Variants in CAPN3 observed in about 807,000 individuals in gnomAD.
The protein encoded by CAPN3 is calpain 3, also known as calpain-3.
Under a neutral mutation model 114.0 loss-of-function variants are expected in CAPN3, and 88 were observed. That is an observed-to-expected ratio of 0.77 (90% CI 0.65 to 0.92). The LOEUF (loss-of-function observed/expected upper bound fraction) is 0.92, where lower values mean the gene tolerates loss of function less well. Ranked by LOEUF, CAPN3 falls within the 40% of genes least tolerant of loss-of-function variation. CAPN3 has a pLI of 0.00. For synonymous variants in CAPN3, 386 were observed against 382.9 expected, an observed-to-expected ratio of 1.01 and a Z score of -0.09; for missense variants, 1,028 against 1,069.0, an observed-to-expected ratio of 0.96 and a Z score of 0.53.
At chr15:42,397,788 C>T (rs28745872) in intron 9 of CAPN3, among the ~76,000 whole-genome samples, 3,863 of 152,176 alleles carry the variant, frequency 0.025, 155 homozygotes, top group African/African-American at 0.089. Flanking sequence ...TGGGCTCAAG[C>T]GGTCCTCCCA....
At chr15:42,387,151 A>G (rs974855410) in intron 3 of CAPN3, among the ~76,000 whole-genome samples, 26 of 152,332 alleles carry the variant, frequency 1.7e-4, no homozygotes, top group African/African-American at 6.0e-4. Flanking sequence ...TCAATGAGGG[A>G]GAAAGTGCCA....
chr15:42,387,780 G>T lies in CAPN3; in HGVS notation c.526G>T (p.Val176Leu), dbSNP rs774114705. Reference protein sequence around the residue: ...QFWRYGEWVDVVIDDCLPTYN... With the variant: ...QFWRYGEWVDLVIDDCLPTYN... ...CTGGCGCTATGGAGAGTGGGTGGAC[G>T]TGGTTATAGATGACTGCCTGCCAAC... is the stretch of plus-strand genomic sequence containing the variant. Residue 176 changes from valine to leucine, a missense_variant, in exon 4 of 24, where the codon GTG becomes TTG. Val to Leu is a conservative substitution (Grantham distance 32). Transcript: ENST00000397163. 1.9e-6 allele frequency: 3 copies of T among 1,614,100 alleles called. No individual in the cohort carries two copies. The highest frequency in any genetic ancestry group is 2.7e-5 in the African/African-American group (2 of 74,944).
rs28364542 is a variant in CAPN3, at chr15:42,411,248, C to T, written c.2381-39C>T. ...AAGTTACAGTAGTAGAGGCGGAGTG[C>T]GCCTGTAACTGGCCTCTGGCCTGTG... On this transcript the variant is annotated intron_variant, in intron 22 of 23. Transcript: ENST00000397163. 1.1e-4 allele frequency: 167 copies of T among 1,569,092 alleles called. 1 individual carries two copies. The East Asian group carries it at 1.5e-3, about 14-fold the overall frequency.
At chr15:42,411,596 G>A (rs1254813377) in intron 23 of CAPN3, 151 bp from the exon 24 acceptor site, 1 of 734,438 alleles carries the variant, frequency 1.4e-6, no homozygotes, top group South Asian at 1.5e-5. Context: ...TAGGAGAAAG[G>A]AAACAGTAAG....
rs777636094 is a variant in CAPN3, at chr15:42,409,336, G to A, written c.1948G>A (p.Glu650Lys). Reference protein sequence around the residue: ...QPGSSDQESEEQQQFRNIFKQ... With the variant: ...QPGSSDQESEKQQQFRNIFKQ... ...TGGCAGCTCTGATCAGGAAAGTGAG[G>A]AACAGCAACAATTCCGGAACATTTT... Residue 650 changes from glutamate to lysine, a missense_variant, in exon 17 of 24, where the codon GAA becomes AAA. Coordinates refer to ENST00000397163, the MANE Select transcript of CAPN3 (RefSeq NM_000070.3). 1 of 1,614,168 alleles carries A rather than the reference G, an allele frequency of 6.2e-7. No individual in the cohort carries two copies. Among genetic ancestry groups the A allele is most frequent in the South Asian group, 1.1e-5 (1 of 91,074 alleles).
chr15:42,370,726 G>A (rs936085755), intron 1 of CAPN3, among the ~76,000 whole-genome samples: 1 of 152,112 alleles, frequency 6.6e-6, no homozygotes, highest in South Asian at 2.1e-4. Flanking sequence ...TTTAAGTTTC[G>A]CTTTTCTCTT....
At chr15:42,361,273 C>G (rs1307473119) in intron 1 of CAPN3, among the ~76,000 whole-genome samples, 2 of 152,156 alleles carry the variant, frequency 1.3e-5, no homozygotes, top group Admixed American at 1.3e-4. Context: ...AGAGACCAGC[C>G]TGGGCAACAG....
intron 1 of CAPN3, among the ~76,000 whole-genome samples, chr15:42,370,291 T>A (rs377014009): frequency 1.3e-5 from 2 of 152,250 alleles, no homozygotes; most frequent in Admixed American, 6.5e-5. Context: ...GTGTATCTTC[T>A]CAGCCAGGAG....
chr15:42,402,071 G>T, intron 11 of CAPN3, 53 bp from the exon 12 acceptor site: 2 of 1,612,316 alleles, frequency 1.2e-6, no homozygotes, highest in Non-Finnish European at 1.7e-6. Flanking sequence ...CCTTCCGCAG[G>T]CTCCTCATCC....
At chr15:42,373,758 C>G (rs1002198314) in intron 1 of CAPN3, among the ~76,000 whole-genome samples, 4 of 152,134 alleles carry the variant, frequency 2.6e-5, no homozygotes, top group African/African-American at 4.8e-5. Context: ...AATGACTGGT[C>G]AAGGTCTTTG....
At chr15:42,406,216 C>T (rs981000204) in intron 15 of CAPN3, among the ~76,000 whole-genome samples, 1 of 152,206 alleles carries the variant, frequency 6.6e-6, no homozygotes, top group Non-Finnish European at 1.5e-5. Context: ...TAACTATCCC[C>T]ATTTTCAGAG....
rs200580015 is a variant in CAPN3, at chr15:42,392,691, G to A, written c.998G>A (p.Gly333Asp). The stretch of plus-strand genomic sequence containing the variant: ...AGAATGGCCTGCGGGCTGGTCAGAG[G>A]TCACGCCTACTCTGTCACGGGGCTG... ...ETRMACGLVR[G>D]HAYSVTGLDE... Residue 333 changes from glycine (G) to aspartate (D), a missense_variant, in exon 7 of 24, where the codon GGT becomes GAT. By Grantham distance (94) the Gly-to-Asp change is moderately conservative (BLOSUM62 -1). Coordinates refer to ENST00000397163, the MANE Select transcript of CAPN3 (RefSeq NM_000070.3). 1.7e-5 allele frequency: 27 copies of A among 1,614,054 alleles called. No homozygotes were observed. Among genetic ancestry groups the A allele is most frequent in the Middle Eastern group, 1.7e-4 (1 of 6,060 alleles).
At chr15:42,394,785 G>A (rs1231183787) in intron 8 of CAPN3, among the ~76,000 whole-genome samples, 4 of 152,162 alleles carry the variant, frequency 2.6e-5, no homozygotes, top group Non-Finnish European at 5.9e-5. Flanking sequence ...TCCCTTACCC[G>A]TGCTGTCCCT....
Position 42,411,747 on chromosome 15 carries a change from T to C in CAPN3, c.2440T>C (p.Trp814Arg), listed in dbSNP as rs140611662. ...DGIIKLNVLE[W>R]LQLTMYA is the part of the protein sequence containing the mutation. ...ATTCTGATCTTGGGACTTCTTTCAG[T>C]GGCTGCAGCTCACCATGTATGCCTG... The change falls in exon 24 of 24, where the codon TGG becomes CGG. Residue 814 changes from tryptophan to arginine, a missense_variant and splice_region_variant. Physicochemically the swap from Trp to Arg is moderately radical, Grantham distance 101. Coordinates refer to ENST00000397163, the MANE Select transcript of CAPN3 (RefSeq NM_000070.3). The C allele has an allele frequency of 6.7e-7, 1 of 1,498,640 alleles. No homozygotes were observed. The highest frequency in any genetic ancestry group is 1.4e-5 in the African/African-American group (1 of 70,786). 92.8% of individuals were successfully genotyped at this position (1,498,640 alleles called of 1,614,324 possible).
intron 15 of CAPN3, among the ~76,000 whole-genome samples, chr15:42,407,967 T>C (rs1391665673): frequency 6.6e-6 from 1 of 152,162 alleles, no homozygotes; most frequent in Admixed American, 6.5e-5. Flanking sequence ...ATTCTTAGCA[T>C]TTCACGTGCT....
chr15:42,394,475 G>A, intron 8 of CAPN3, 134 bp downstream of exon 8: 1 of 765,192 alleles, frequency 1.3e-6, no homozygotes, highest in Admixed American at 2.1e-5. Context: ...GATCCGCAGA[G>A]AAGAGGGGCA....
intron 1 of CAPN3, among the ~76,000 whole-genome samples, chr15:42,377,541 C>T (rs2053121806): frequency 6.6e-6 from 1 of 152,104 alleles, no homozygotes; most frequent in African/African-American, 2.4e-5. Context: ...GTCATGGTGT[C>T]TGTTTATACA....
At chr15:42,397,408 G>A (rs1407802432) in intron 9 of CAPN3, among the ~76,000 whole-genome samples, 4 of 152,198 alleles carry the variant, frequency 2.6e-5, no homozygotes, top group African/African-American at 9.7e-5. Context: ...TTGGGAGGCC[G>A]AGGTGAACGG....
chr15:42,383,633 A>T (rs2053306484), intron 1 of CAPN3, among the ~76,000 whole-genome samples: 1 of 151,724 alleles, frequency 6.6e-6, no homozygotes, highest in African/African-American at 2.4e-5. Flanking sequence ...AAAACACTGA[A>T]TCTATATTTT....
Sources: allele counts gnomAD v4.1 joint callset (sites outside exome capture counted in the v4.1 genomes callset), GRCh38; gene constraint gnomAD v4.1.1; transcripts MANE v1.5; gene names NCBI Gene and HGNC (gene_info 2026-07-23, HGNC 2026-07-21).